Variants in SKIC3 observed in about 807,000 individuals in gnomAD.
SKIC3 encodes superkiller complex protein 3.
At chr5:95,497,508 CA>C in the SKIC3 span, 2 of 1,606,564 alleles carry the variant, frequency 1.2e-6, no homozygotes, top group Non-Finnish European at 8.5e-7. Context: ...TCAAAAGTAG[CA>C]GGCTTAGGGA....
At chr5:95,496,207 G>A in the SKIC3 span, among the ~76,000 whole-genome samples, 2 of 151,978 alleles carry the variant, frequency 1.3e-5, no homozygotes, top group East Asian at 3.9e-4. Flanking sequence ...TAGTAGAGAC[G>A]GGGTTTTACC....
chr5:95,506,822 T>G, the SKIC3 span: 4 of 1,070,178 alleles, frequency 3.7e-6, no homozygotes, highest in Non-Finnish European at 5.6e-6. Context: ...GGAAATTATG[T>G]ATCCTACATG....
At chr5:95,469,939 C>G in the SKIC3 span, 1 of 1,604,858 alleles carries the variant, frequency 6.2e-7, no homozygotes, top group South Asian at 1.1e-5. Flanking sequence ...AATATTAACT[C>G]AAAGATTTGG....
chr5:95,543,391 CAG>C, the SKIC3 span: 7 of 1,560,712 alleles, frequency 4.5e-6, no homozygotes, highest in Non-Finnish European at 6.2e-6. Flanking sequence ...CTAACAATAA[CAG>C]AAAGTCTAGC....
chr5:95,508,153 T>G, the SKIC3 span, among the ~76,000 whole-genome samples: 20 of 152,190 alleles, frequency 1.3e-4, no homozygotes, highest in African/African-American at 4.8e-4. Flanking sequence ...TACCATCTAG[T>G]GATTACTCCT....
the SKIC3 span, chr5:95,498,447 G>A: frequency 6.2e-7 from 1 of 1,614,120 alleles, no homozygotes; most frequent in Non-Finnish European, 8.5e-7. Context: ...ATGTAAGAAG[G>A]CACCTCTGAT....
the SKIC3 span, among the ~76,000 whole-genome samples, chr5:95,479,859 T>A: frequency 1.3e-5 from 2 of 152,010 alleles, no homozygotes; most frequent in South Asian, 4.1e-4. Context: ...GGTTTTAATG[T>A]TACCACATAT....
At chr5:95,522,116 TC>T in the SKIC3 span, 1 of 1,613,826 alleles carries the variant, frequency 6.2e-7, no homozygotes, top group Middle Eastern at 1.7e-4. Context: ...AGCTACAGCC[TC>T]CTTATATTTG....
the SKIC3 span, among the ~76,000 whole-genome samples, chr5:95,527,049 A>G: frequency 6.6e-6 from 1 of 152,188 alleles, no homozygotes; most frequent in Non-Finnish European, 1.5e-5. Flanking sequence ...GAACACATGG[A>G]TTTAAAATAT....
chr5:95,524,721 C>T, the SKIC3 span: 2 of 1,218,650 alleles, frequency 1.6e-6, no homozygotes, highest in African/African-American at 1.5e-5. Flanking sequence ...AGAAACCAAT[C>T]ATCACTTTAG....
the SKIC3 span, among the ~76,000 whole-genome samples, chr5:95,531,584 C>G: frequency 4.7e-4 from 72 of 152,284 alleles, no homozygotes; most frequent in Non-Finnish European, 9.4e-4. Context: ...TAGACATTGT[C>G]TGCACTATCA....
chr5:95,498,420 G>T, the SKIC3 span: 1 of 1,614,144 alleles, frequency 6.2e-7, no homozygotes, highest in Non-Finnish European at 8.5e-7. Flanking sequence ...TGCGGCCTTG[G>T]AGTGCATAAA....
At chr5:95,479,675 TTGTGTGTGTGTGTG>T in the SKIC3 span, among the ~76,000 whole-genome samples, 123 of 144,082 alleles carry the variant, frequency 8.5e-4, no homozygotes, top group Non-Finnish European at 1.3e-3. Flanking sequence ...GGAAAAAACA[TTGTGTGTGTGTGTG>T]TGTGTGTGTG....
chr5:95,503,154 T>C, the SKIC3 span: 1 of 858,354 alleles, frequency 1.2e-6, no homozygotes, highest in South Asian at 1.7e-5. Context: ...AATAAAAATT[T>C]ATAATAATCT....
chr5:95,488,773 GA>G, the SKIC3 span, among the ~76,000 whole-genome samples: 2 of 151,658 alleles, frequency 1.3e-5, no homozygotes, highest in Non-Finnish European at 2.9e-5. Flanking sequence ...AAGAGGAAGA[GA>G]AAGGACACAA....
At chr5:95,529,150 T>A in the SKIC3 span, 1 of 1,513,456 alleles carries the variant, frequency 6.6e-7, no homozygotes, top group Non-Finnish European at 9.2e-7. Context: ...TGTGACTACA[T>A]AGATGAACAG....
At chr5:95,522,946 A>C in the SKIC3 span, among the ~76,000 whole-genome samples, 16 of 152,138 alleles carry the variant, frequency 1.1e-4, no homozygotes, top group African/African-American at 3.9e-4. Context: ...CTCATCACTA[A>C]AATTTCTATT....
chr5:95,520,222 G>A, the SKIC3 span, among the ~76,000 whole-genome samples: 1 of 151,706 alleles, frequency 6.6e-6, no homozygotes, highest in Non-Finnish European at 1.5e-5. Context: ...TTCCTTTCTT[G>A]TTATTAGACA....
At chr5:95,478,913 A>G in the SKIC3 span, among the ~76,000 whole-genome samples, 1 of 152,194 alleles carries the variant, frequency 6.6e-6, no homozygotes, top group African/African-American at 2.4e-5. Context: ...CACCATACTT[A>G]GTAATGAAAT....
Sources: allele counts gnomAD v4.1 joint callset (sites outside exome capture counted in the v4.1 genomes callset), GRCh38; gene constraint gnomAD v4.1.1; transcripts MANE v1.5; gene names NCBI Gene and HGNC (gene_info 2026-07-23, HGNC 2026-07-21).